Variants in MAD1L1 observed in about 807,000 individuals in gnomAD.
The protein encoded by MAD1L1 is mitotic arrest deficient 1 like 1.
A neutral mutation model predicts 96.9 loss-of-function variants in MAD1L1; 95 were observed. The ratio of observed to expected loss-of-function variants is 0.98; its 90% confidence interval spans 0.83 to 1.16. MAD1L1 has a LOEUF of 1.16. Among genes scored for constraint, MAD1L1 ranks in the 50% most tolerant of loss-of-function variants. The pLI is 0.00. For synonymous variants in MAD1L1, 473 were observed against 396.6 expected (o/e 1.19, Z -2.29); for missense variants, 1,007 against 954.4 (o/e 1.06, Z -0.73).
chr7:1,902,014 G>T (rs1044409308), intron 17 of MAD1L1, among the ~76,000 whole-genome samples: 1 of 152,204 alleles, frequency 6.6e-6, no homozygotes, highest in South Asian at 2.1e-4. Context: ...TCGGTGAGGG[G>T]CAAGAGAGGA....
In MAD1L1 at chr7:1,956,928, A is replaced by C. The variant is rs372897364; in HGVS notation, c.1596+701T>G. Among the ~76,000 whole-genome samples, 26 of 152,344 alleles carry C rather than the reference A, an allele frequency of 1.7e-4. No individual in the cohort carries two copies. In the East Asian group the frequency reaches 4.4e-3, roughly 26 times the overall value. On this transcript the variant is annotated intron_variant, in intron 16 of 18. Coordinates refer to ENST00000265854, the MANE Select transcript of MAD1L1 (RefSeq NM_001013836.2). ...GTGCCTGCAGGGATGCCTGGCCCCC[A>C]GTCAGCAAGCAACGTGGGCACCAAG... is the stretch of plus-strand genomic sequence containing the variant.
chr7:2,112,487 C>A (rs1787432527), intron 11 of MAD1L1, among the ~76,000 whole-genome samples: 1 of 152,256 alleles, frequency 6.6e-6, no homozygotes. Flanking sequence ...TGTCCACAGA[C>A]ACTGCACCCT....
chr7:2,051,202 C>T (rs1023878637), intron 12 of MAD1L1, among the ~76,000 whole-genome samples: 3 of 152,140 alleles, frequency 2.0e-5, no homozygotes, highest in South Asian at 2.1e-4. Context: ...TGTGTCCCCC[C>T]GAGGCTGGGC....
chr7:2,231,680 G>A (rs547570752), intron 1 of MAD1L1, among the ~76,000 whole-genome samples: 6 of 152,272 alleles, frequency 3.9e-5, no homozygotes, highest in Admixed American at 3.3e-4. Flanking sequence ...AACAGTGACA[G>A]TAAAGATGAT....
chr7:1,930,806 G>C (rs982946745), intron 17 of MAD1L1, among the ~76,000 whole-genome samples: 3 of 151,962 alleles, frequency 2.0e-5, no homozygotes, highest in Non-Finnish European at 1.5e-5. Context: ...GCCAGTGACA[G>C]GCCTGCCATC....
intron 10 of MAD1L1, among the ~76,000 whole-genome samples, chr7:2,207,151 T>C (rs1453358039): frequency 6.6e-6 from 1 of 152,092 alleles, no homozygotes; most frequent in Non-Finnish European, 1.5e-5. Flanking sequence ...GGGACTATGT[T>C]AAATATTTGG....
intron 18 of MAD1L1, among the ~76,000 whole-genome samples, chr7:1,893,052 G>A (rs6945719): frequency 0.29 from 44,236 of 152,120 alleles, 7,695 homozygotes; most frequent in East Asian, 0.45. Flanking sequence ...GAGCCTCCCC[G>A]CTCCAGGCCC....
At chr7:1,980,817 CTCTGGAGAGTG>C in intron 14 of MAD1L1, 1 of 566,930 alleles carries the variant, frequency 1.8e-6, no homozygotes, top group South Asian at 1.6e-5. Flanking sequence ...ATGTGAGAGT[CTCTGGAGAGTG>C]GACACGCAGC....
chr7:1,972,419 G>A (rs1304253817), intron 15 of MAD1L1, among the ~76,000 whole-genome samples: 2 of 152,110 alleles, frequency 1.3e-5, no homozygotes, highest in African/African-American at 2.4e-5. Context: ...CATCTTGGTC[G>A]AGTCTGGTGG....
chr7:1,927,538 C>T (rs981471063), intron 17 of MAD1L1, among the ~76,000 whole-genome samples: 2 of 152,168 alleles, frequency 1.3e-5, no homozygotes, highest in African/African-American at 2.4e-5. Context: ...ACCCCCATAA[C>T]GCATGGCCAA....
intron 18 of MAD1L1, among the ~76,000 whole-genome samples, chr7:1,874,962 G>A (rs1163710944): frequency 6.6e-6 from 1 of 152,152 alleles, no homozygotes; most frequent in Non-Finnish European, 1.5e-5. Flanking sequence ...GGCCCCGGCT[G>A]GGCCTGGGAG....
At chr7:1,851,305 G>A (rs887126136) in intron 18 of MAD1L1, among the ~76,000 whole-genome samples, 4 of 152,256 alleles carry the variant, frequency 2.6e-5, no homozygotes, top group Non-Finnish European at 4.4e-5. Context: ...AGGGTTGGGG[G>A]CTGATGGCTG....
chr7:1,903,980 G>C (rs570883989), intron 17 of MAD1L1, among the ~76,000 whole-genome samples: 3,363 of 110,284 alleles, frequency 0.03, 325 homozygotes, highest in African/African-American at 0.1. Context: ...CATGATTGAT[G>C]AAGCACTGTT....
intron 17 of MAD1L1, among the ~76,000 whole-genome samples, chr7:1,927,966 T>C (rs906182326): frequency 2.6e-5 from 4 of 152,138 alleles, no homozygotes; most frequent in African/African-American, 9.7e-5. Flanking sequence ...AATTAAAAAA[T>C]AGGCAGCACC....
Position 2,146,117 on chromosome 7 carries a change from A to C in MAD1L1, c.1073+3035T>G, listed in dbSNP as rs183125635. ...GGCAACATTCATCTTCTAAAAGCCA[A>C]GCTCCTGAAAACAGGCACACGAATG... On this transcript the variant is annotated intron_variant, in intron 11 of 18. Coordinates refer to ENST00000265854, the MANE Select transcript of MAD1L1 (RefSeq NM_001013836.2). This position sits in a 1 kb window ranked among gnomAD's most constrained non-coding sequence, Gnocchi z 6.2. Among the ~76,000 whole-genome samples the C allele has an allele frequency of 5.2e-4, 79 of 152,346 alleles. No individual in the cohort carries two copies. The highest frequency in any genetic ancestry group is 1.0e-3 in the South Asian group (5 of 4,826).
chr7:2,002,019 A>G (rs766773038), intron 14 of MAD1L1, 46 bp downstream of exon 14: 3 of 1,604,356 alleles, frequency 1.9e-6, no homozygotes, highest in South Asian at 2.2e-5. Flanking sequence ...GCCCAGACCC[A>G]GGGTCCAGGT....
At chr7:2,194,060 T>A (rs1270118677) in intron 10 of MAD1L1, among the ~76,000 whole-genome samples, 1 of 149,440 alleles carries the variant, frequency 6.7e-6, no homozygotes, top group Non-Finnish European at 1.5e-5. Context: ...CCTCCTGACT[T>A]GGCCTCTCGA....
At position 1,993,051 on chromosome 7, in the gene MAD1L1, C is replaced by T. The variant is rs577001667; in HGVS notation, c.1416+9014G>A. 2.6e-4 allele frequency among the ~76,000 whole-genome samples: 39 copies of T among 152,300 alleles called. No homozygotes were observed. The South Asian group carries it at 6.2e-3, about 24-fold the overall frequency. The stretch of plus-strand genomic sequence containing the variant: ...CCATAATTTTTCAAGATAAATGAAC[C>T]GATTTCCTTTCTCGTGGTTATTATA... On this transcript the variant is annotated intron_variant, in intron 14 of 18. Transcript: ENST00000265854.
At chr7:1,886,172 G>A (rs1786012334) in intron 18 of MAD1L1, among the ~76,000 whole-genome samples, 1 of 152,224 alleles carries the variant, frequency 6.6e-6, no homozygotes, top group African/African-American at 2.4e-5. Flanking sequence ...GGCAAGCTCT[G>A]GGCCTGGAAT....
Sources: gnomAD v4.1 joint callset for allele counts (sites outside exome capture counted in the v4.1 genomes callset) on GRCh38, gnomAD v4.1.1 for gene constraint, Gnocchi (gnomAD v3.1) non-coding constraint, MANE v1.5 for transcripts, NCBI Gene and HGNC (gene_info 2026-07-23, HGNC 2026-07-21) for gene names.